Variants in GRXCR1 observed in about 807,000 individuals in gnomAD.
GRXCR1 encodes glutaredoxin and cysteine rich domain containing 1.
In GRXCR1, 27 loss-of-function variants were observed where a neutral mutation model predicts 27.3. That is an observed-to-expected ratio of 0.99 (90% confidence interval 0.73 to 1.37). GRXCR1 has a LOEUF of 1.37. Among genes scored for constraint, GRXCR1 ranks in the 40% most tolerant of loss-of-function variants. GRXCR1 has a pLI of 0.00. For missense variants in GRXCR1, 379 were observed against 354.4 expected (o/e 1.07, Z -0.56); for synonymous variants, 122 against 131.1 (o/e 0.93, Z 0.47).
intron 1 of GRXCR1, among the ~76,000 whole-genome samples, chr4:42,930,821 A>G (rs1747288467): frequency 6.6e-6 from 1 of 151,982 alleles, no homozygotes. Flanking sequence ...AGCACTCAGT[A>G]ATGTTAATTC....
rs111304143 is a variant in GRXCR1, at chr4:42,969,449, T to TG, written c.627+6316dup. ...GTTGGAAGACCTCTGTAATGTAAGCTGCTGTTTCTGAAAGCATACAGTCAT... is the reference window on the plus strand; with the variant it reads ...GTTGGAAGACCTCTGTAATGTAAGCTGGCTGTTTCTGAAAGCATACAGTCAT... On this transcript the variant is annotated intron_variant, in intron 2 of 3. Transcript: ENST00000399770. 3.6e-3 allele frequency among the ~76,000 whole-genome samples: 542 copies of TG among 152,262 alleles called. 5 individuals carry two copies. The highest frequency in any genetic ancestry group is 0.011 in the African/African-American group (453 of 41,564).
intron 1 of GRXCR1, among the ~76,000 whole-genome samples, chr4:42,903,450 T>C (rs928659263): frequency 2.1e-5 from 3 of 144,824 alleles, no homozygotes; most frequent in Non-Finnish European, 4.5e-5. Context: ...TAGCTGGGAC[T>C]ACAGGCACCC....
chr4:42,936,391 T>A (rs1012915393), intron 1 of GRXCR1, among the ~76,000 whole-genome samples: 1 of 151,896 alleles, frequency 6.6e-6, no homozygotes, highest in African/African-American at 2.4e-5. Context: ...CTATTACTAG[T>A]GTTAGAATTT....
chr4:42,940,056 A>T (rs1747578455), intron 1 of GRXCR1, among the ~76,000 whole-genome samples: 1 of 151,948 alleles, frequency 6.6e-6, no homozygotes, highest in South Asian at 2.1e-4. Flanking sequence ...GGCTCTGGGC[A>T]CACTGAACAG....
intron 2 of GRXCR1, among the ~76,000 whole-genome samples, chr4:43,018,217 G>A (rs1051132618): frequency 6.6e-6 from 1 of 152,160 alleles, no homozygotes; most frequent in African/African-American, 2.4e-5. Context: ...GGGACCAAAG[G>A]CCTGGTTCCA....
intron 1 of GRXCR1, among the ~76,000 whole-genome samples, chr4:42,950,426 T>G (rs1747855214): frequency 6.6e-6 from 1 of 152,178 alleles, no homozygotes; most frequent in Non-Finnish European, 1.5e-5. Context: ...AATATGATGA[T>G]TTTGGTGGTC....
intron 1 of GRXCR1, among the ~76,000 whole-genome samples, chr4:42,901,856 G>T (rs1363296945): frequency 6.6e-6 from 1 of 152,140 alleles, no homozygotes; most frequent in African/African-American, 2.4e-5. Flanking sequence ...CTTTGGTCTT[G>T]ACCATGTGAC....
rs575509768 is a variant in GRXCR1 at position 42,969,307 on chromosome 4, G to T, written c.627+6173G>T. On this transcript the variant is annotated intron_variant, in intron 2 of 3. Transcript: ENST00000399770. Reference sequence around the variant, plus strand: ...CTTTGAATATCTGCTGAAAGATGTTGATATTTTTGTTTTTGTCTGTTTTCA... The same window carrying T: ...CTTTGAATATCTGCTGAAAGATGTTTATATTTTTGTTTTTGTCTGTTTTCA... Among the ~76,000 whole-genome samples, 7 of 152,164 alleles carry T rather than the reference G, an allele frequency of 4.6e-5. No homozygotes were observed. The East Asian group carries it at 1.2e-3, about 25-fold the overall frequency.
At chr4:42,996,475 G>GT in intron 2 of GRXCR1, among the ~76,000 whole-genome samples, 1 of 152,230 alleles carries the variant, frequency 6.6e-6, no homozygotes, top group East Asian at 1.9e-4. Context: ...AATCAGCCTA[G>GT]TTTTTCCAAC....
At chr4:43,006,219 A>C (rs1266369411) in intron 2 of GRXCR1, among the ~76,000 whole-genome samples, 1 of 152,188 alleles carries the variant, frequency 6.6e-6, no homozygotes, top group African/African-American at 2.4e-5. Flanking sequence ...CATTAACTGC[A>C]CAAATTGTAC....
In GRXCR1 at chr4:43,026,869, G is replaced by A. The variant is rs115663579; in HGVS notation, c.694-3492G>A. 5.0e-3 allele frequency among the ~76,000 whole-genome samples: 754 copies of A among 152,206 alleles called. 10 individuals are homozygous for A. Among genetic ancestry groups the A allele is most frequent in the African/African-American group, 0.015 (637 of 41,526 alleles). ...ATAAGCCATCCCTTTCCTCTCTTAC[G>A]TTTATGGCTGAAATAGCTAATTTTT... On this transcript the variant is annotated intron_variant, in intron 3 of 3. Coordinates refer to ENST00000399770, the MANE Select transcript of GRXCR1 (RefSeq NM_001080476.3).
At position 43,030,452 on chromosome 4, in the gene GRXCR1, G is replaced by A. The variant is rs146696590; in HGVS notation, c.785G>A (p.Arg262Gln). 1,096 of 1,613,960 alleles carry A rather than the reference G, an allele frequency of 6.8e-4. 1 individual carries two copies. Among genetic ancestry groups the A allele is most frequent in the Admixed American group, 9.2e-4 (55 of 59,982 alleles). Residue 262 changes from arginine (R) to glutamine (Q), a missense_variant, in exon 4 of 4, where the codon CGA becomes CAA. Transcript: ENST00000399770. ...CATGGGAGCAAGATGTCCATGTTTCGAAACTGCTTCACAGACTCTTTCAAA... is the reference window on the plus strand; with the variant it reads ...CATGGGAGCAAGATGTCCATGTTTCAAAACTGCTTCACAGACTCTTTCAAA... ...VCHGSKMSMFRNCFTDSFKAL... is the reference protein window; with the variant it reads ...VCHGSKMSMFQNCFTDSFKAL...
intron 1 of GRXCR1, among the ~76,000 whole-genome samples, chr4:42,928,267 C>T (rs1202942512): frequency 6.6e-6 from 1 of 151,950 alleles, no homozygotes; most frequent in Non-Finnish European, 1.5e-5. Flanking sequence ...GCATTAAAAT[C>T]ACTCTGATAA....
intron 1 of GRXCR1, among the ~76,000 whole-genome samples, chr4:42,951,137 A>G (rs1747873712): frequency 6.6e-6 from 1 of 152,174 alleles, no homozygotes; most frequent in Non-Finnish European, 1.5e-5. Flanking sequence ...ATTCAGAAGC[A>G]CCAAGGTCAG....
chr4:43,010,183 C>T (rs1162320278), intron 2 of GRXCR1, among the ~76,000 whole-genome samples: 1 of 152,076 alleles, frequency 6.6e-6, no homozygotes, highest in African/African-American at 2.4e-5. Context: ...GGGTGGATCA[C>T]CTGAGGTCAG....
At position 42,945,500 on chromosome 4, in the gene GRXCR1, G is replaced by A. The variant is rs562617559; in HGVS notation, c.385-17392G>A. ...TTTGGGAGTGGTAACACCATGTCTGGCATCTTCTATACTTATATTCTCACA... is the reference window on the plus strand; with the variant it reads ...TTTGGGAGTGGTAACACCATGTCTGACATCTTCTATACTTATATTCTCACA... On this transcript the variant is annotated intron_variant, in intron 1 of 3. Coordinates refer to ENST00000399770, the MANE Select transcript of GRXCR1 (RefSeq NM_001080476.3). Among the ~76,000 whole-genome samples the A allele has an allele frequency of 2.6e-5, 4 of 152,030 alleles. No individual in the cohort carries two copies. The South Asian group carries it at 8.3e-4, about 32-fold the overall frequency.
intron 2 of GRXCR1, among the ~76,000 whole-genome samples, chr4:42,968,737 C>T (rs1305643040): frequency 6.6e-6 from 1 of 151,980 alleles, no homozygotes; most frequent in Non-Finnish European, 1.5e-5. Context: ...CAAAAAAGTA[C>T]CTCCTTCTTA....
intron 1 of GRXCR1, among the ~76,000 whole-genome samples, chr4:42,927,331 CA>C (rs936654345): frequency 6.6e-6 from 1 of 151,872 alleles, no homozygotes; most frequent in African/African-American, 2.4e-5. Context: ...ATGATGCTAC[CA>C]AAAGTTAGTT....
intron 2 of GRXCR1, among the ~76,000 whole-genome samples, chr4:42,972,581 A>T (rs1179175609): frequency 6.6e-6 from 1 of 152,180 alleles, no homozygotes; most frequent in Non-Finnish European, 1.5e-5. Context: ...ATGATAGTAA[A>T]AGCTAATTTG....
Sources: allele counts gnomAD v4.1 joint callset (sites outside exome capture counted in the v4.1 genomes callset), GRCh38; gene constraint gnomAD v4.1.1; transcripts MANE v1.5; gene names NCBI Gene and HGNC (gene_info 2026-07-23, HGNC 2026-07-21).